Variants in MAGI1 observed in about 807,000 individuals in gnomAD.
MAGI1 encodes membrane-associated guanylate kinase, WW and PDZ domain-containing protein 1.
In MAGI1, 58 loss-of-function variants were observed where a neutral mutation model predicts 139.9. That is an observed-to-expected ratio of 0.41 (90% CI 0.34 to 0.52). The LOEUF is 0.52. Among genes scored for constraint, MAGI1 ranks in the 20% least tolerant of loss-of-function variants. The pLI, the probability that MAGI1 is intolerant of heterozygous loss-of-function variation, is 0.12. For missense variants in MAGI1, 1,874 were observed against 1,901.6 expected, an observed-to-expected ratio of 0.99 and a Z score of 0.27; for synonymous variants, 812 against 737.9, an observed-to-expected ratio of 1.10 and a Z score of -1.63.
intron 1 of MAGI1, among the ~76,000 whole-genome samples, chr3:65,861,867 C>T (rs1376957593): frequency 6.6e-6 from 1 of 152,154 alleles, no homozygotes; most frequent in Admixed American, 6.5e-5. Context: ...TATAAAGCAA[C>T]TTGTTGAGAT....
chr3:65,551,853 C>G (rs2079849722), intron 2 of MAGI1, among the ~76,000 whole-genome samples: 1 of 152,144 alleles, frequency 6.6e-6, no homozygotes, highest in Non-Finnish European at 1.5e-5. Context: ...ACTCCTGTCT[C>G]TTTTTAAAGC....
At chr3:65,866,038 ACT>A (rs1169235273) in intron 1 of MAGI1, among the ~76,000 whole-genome samples, 2 of 152,204 alleles carry the variant, frequency 1.3e-5, no homozygotes, top group Non-Finnish European at 2.9e-5. Flanking sequence ...AACATTATGC[ACT>A]GTTTTGATTC....
intron 1 of MAGI1, among the ~76,000 whole-genome samples, chr3:65,697,144 A>G (rs910183031): frequency 2.2e-4 from 34 of 152,142 alleles, no homozygotes; most frequent in African/African-American, 7.5e-4. Flanking sequence ...TAAATTCCTC[A>G]ACACATACAC....
At chr3:65,561,677 T>G (rs2080355284) in intron 2 of MAGI1, among the ~76,000 whole-genome samples, 1 of 152,182 alleles carries the variant, frequency 6.6e-6, no homozygotes. Context: ...ATGACAAAAC[T>G]AAGACATACA....
At chr3:65,525,130 C>T (rs1034407152) in intron 2 of MAGI1, among the ~76,000 whole-genome samples, 2 of 152,130 alleles carry the variant, frequency 1.3e-5, no homozygotes, top group Non-Finnish European at 2.9e-5. Flanking sequence ...ACATTCTCAT[C>T]TCCCTATAAT....
At chr3:65,983,269 C>G (rs1245694526) in intron 1 of MAGI1, among the ~76,000 whole-genome samples, 1 of 152,192 alleles carries the variant, frequency 6.6e-6, no homozygotes, top group Non-Finnish European at 1.5e-5. Context: ...TTTCTCTGGT[C>G]TTGCCTTCTG....
chr3:65,479,298 C>T (rs1467325321), intron 3 of MAGI1, among the ~76,000 whole-genome samples: 1 of 152,122 alleles, frequency 6.6e-6, no homozygotes, highest in Non-Finnish European at 1.5e-5. Context: ...CCACGTGGCG[C>T]CTCTTTAGCT....
At chr3:65,901,572 C>T (rs1445823905) in intron 1 of MAGI1, among the ~76,000 whole-genome samples, 1 of 152,202 alleles carries the variant, frequency 6.6e-6, no homozygotes, top group Non-Finnish European at 1.5e-5. Context: ...GGCTTGCTAT[C>T]GCTGTGGAAA....
chr3:65,588,865 T>C (rs2081822650), intron 2 of MAGI1, among the ~76,000 whole-genome samples: 1 of 152,226 alleles, frequency 6.6e-6, no homozygotes, highest in Non-Finnish European at 1.5e-5. Context: ...CTCCATCATT[T>C]GATTATCGGG....
At chr3:65,823,328 T>C (rs1006601106) in intron 1 of MAGI1, among the ~76,000 whole-genome samples, 3 of 152,202 alleles carry the variant, frequency 2.0e-5, no homozygotes, top group Admixed American at 6.5e-5. Flanking sequence ...TTATATTTTC[T>C]AGAGGAAAAG....
chr3:65,756,658 A>G (rs144443470), intron 1 of MAGI1, among the ~76,000 whole-genome samples: 132 of 152,278 alleles, frequency 8.7e-4, no homozygotes, highest in African/African-American at 3.0e-3. Flanking sequence ...GAAGTGCATT[A>G]TGGTGCCACA....
intron 12 of MAGI1, among the ~76,000 whole-genome samples, chr3:65,422,395 A>G (rs1471009205): frequency 6.6e-6 from 1 of 152,160 alleles, no homozygotes; most frequent in East Asian, 1.9e-4. Flanking sequence ...GCACACAGCT[A>G]TGGCAAACAA....
At chr3:65,770,896 T>A (rs2037896232) in intron 1 of MAGI1, among the ~76,000 whole-genome samples, 2 of 151,974 alleles carry the variant, frequency 1.3e-5, no homozygotes, top group African/African-American at 4.8e-5. Context: ...TTTTCCCATG[T>A]TGGCCAGGAT....
intron 2 of MAGI1, among the ~76,000 whole-genome samples, chr3:65,540,648 G>A (rs9847955): frequency 0.032 from 4,799 of 152,308 alleles, 255 homozygotes; most frequent in African/African-American, 0.11. Flanking sequence ...CTATTGGACA[G>A]AGCATTTCAC....
At chr3:65,638,928 T>C (rs1201871065) in intron 1 of MAGI1, among the ~76,000 whole-genome samples, 1 of 152,036 alleles carries the variant, frequency 6.6e-6, no homozygotes, top group Non-Finnish European at 1.5e-5. Flanking sequence ...TTTTGACTTT[T>C]AGTAGAGACA....
chr3:65,614,785 G>T (rs13093714), intron 2 of MAGI1, among the ~76,000 whole-genome samples: 30,782 of 151,812 alleles, frequency 0.2, 3,303 homozygotes, highest in Middle Eastern at 0.28. Context: ...TTTCAGAGCC[G>T]ATCTAAAAGC....
intron 1 of MAGI1, among the ~76,000 whole-genome samples, chr3:65,839,114 T>C (rs572837800): frequency 1.3e-5 from 2 of 152,348 alleles, no homozygotes; most frequent in African/African-American, 4.8e-5. Flanking sequence ...AGTCATGCAC[T>C]GCATAACATT....
intron 12 of MAGI1, among the ~76,000 whole-genome samples, chr3:65,412,100 G>A (rs1945841339): frequency 6.6e-6 from 1 of 152,122 alleles, no homozygotes. Context: ...CAAACTCTTT[G>A]TTCAGTGTCC....
intron 1 of MAGI1, among the ~76,000 whole-genome samples, chr3:65,682,130 T>C (rs1275431567): frequency 6.6e-6 from 1 of 152,176 alleles, no homozygotes; most frequent in African/African-American, 2.4e-5. Context: ...TTATTTCCTT[T>C]AGTAAAACAA....
Sources: gnomAD v4.1 joint callset for allele counts (sites outside exome capture counted in the v4.1 genomes callset) on GRCh38, gnomAD v4.1.1 for gene constraint, MANE v1.5 for transcripts, NCBI Gene and HGNC (gene_info 2026-07-23, HGNC 2026-07-21) for gene names.